BAZ1A: variants seen among roughly 807,000 people sequenced by gnomAD.
The protein encoded by BAZ1A is bromodomain adjacent to zinc finger domain protein 1A.
Under a neutral mutation model 185.2 loss-of-function variants are expected in BAZ1A, and 50 were observed. The observed-to-expected ratio is 0.27, with a 90% confidence interval of 0.22 to 0.34. The LOEUF (loss-of-function observed/expected upper bound fraction) is 0.34, where lower values mean the gene tolerates loss of function less well. Ranked by LOEUF, BAZ1A falls within the 10% of genes least tolerant of loss-of-function variation. The pLI is 1.00. For synonymous variants in BAZ1A, 571 were observed against 615.6 expected (o/e 0.93, Z 1.07); for missense variants, 1,356 against 1,839.9 (o/e 0.74, Z 4.81).
At chr14:34,755,975 C>G (rs562438764) in intron 25 of BAZ1A, among the ~76,000 whole-genome samples, 2 of 151,092 alleles carry the variant, frequency 1.3e-5, no homozygotes, top group South Asian at 4.2e-4. Context: ...CATGCACCAC[C>G]ACACTCGGCT....
intron 6 of BAZ1A, among the ~76,000 whole-genome samples, chr14:34,804,498 T>G (rs1881749749): frequency 6.6e-6 from 1 of 152,206 alleles, no homozygotes; most frequent in Non-Finnish European, 1.5e-5. Context: ...GGGTATTTTG[T>G]GTATAATTAT....
At chr14:34,832,215 C>CACACACACAT in intron 3 of BAZ1A, among the ~76,000 whole-genome samples, 1 of 89,664 alleles carries the variant, frequency 1.1e-5, no homozygotes, top group African/African-American at 3.7e-5. Flanking sequence ...CACACACACA[C>CACACACACAT]ATATATATAT....
intron 2 of BAZ1A, among the ~76,000 whole-genome samples, chr14:34,871,589 C>G (rs564045936): frequency 1.3e-5 from 2 of 152,212 alleles, no homozygotes; most frequent in Non-Finnish European, 2.9e-5. Context: ...ATGTGAGGCA[C>G]AGGCCAAGTG....
intron 3 of BAZ1A, among the ~76,000 whole-genome samples, chr14:34,848,689 T>C (rs1263282112): frequency 2.6e-5 from 4 of 152,214 alleles, no homozygotes; most frequent in Admixed American, 2.0e-4. Context: ...AGCACATATA[T>C]TGAACAATAA....
chr14:34,866,983 G>A (rs2042871176), intron 2 of BAZ1A, among the ~76,000 whole-genome samples: 1 of 150,310 alleles, frequency 6.7e-6, no homozygotes, highest in African/African-American at 2.4e-5. Context: ...AAATCCGCCG[G>A]GCATGGTGGC....
chr14:34,863,764 T>G (rs1203659904), intron 2 of BAZ1A, among the ~76,000 whole-genome samples: 15 of 152,218 alleles, frequency 9.9e-5, no homozygotes, highest in Admixed American at 9.2e-4. Flanking sequence ...TGTAAAGATA[T>G]TCCCTATGGA....
intron 2 of BAZ1A, among the ~76,000 whole-genome samples, chr14:34,866,317 C>A (rs951047714): frequency 6.6e-6 from 1 of 151,268 alleles, no homozygotes; most frequent in African/African-American, 2.4e-5. Flanking sequence ...AACCCAGTCT[C>A]TACTAAAAAC....
At chr14:34,784,419 GCTATTGATATATGAGGCATTTCAAATGT>G (rs1348346528) in intron 14 of BAZ1A, among the ~76,000 whole-genome samples, 1 of 146,358 alleles carries the variant, frequency 6.8e-6, no homozygotes, top group African/African-American at 2.5e-5. Context: ...CCAATTTGCA[GCTATTGATATATGAGGCATTTCAAATGT>G]CTATCTTGTA....
rs188039324 is a variant in BAZ1A at position 34,830,818 on chromosome 14, C to T, written c.393-4662G>A. ...CTCACTCTGTCCCCCAGGCAGTGTG[C>T]AATCTCAGCTCACTGCAACTTCTGC... is the stretch of plus-strand genomic sequence containing the variant. On this transcript the variant is annotated intron_variant, in intron 3 of 26. Transcript: ENST00000360310. Among the ~76,000 whole-genome samples the T allele has an allele frequency of 5.5e-3, 788 of 143,098 alleles. 8 individuals carry two copies. Among genetic ancestry groups the T allele is most frequent in the African/African-American group, 0.02 (759 of 38,014 alleles). The allele number at this position is 143,098 out of a possible 152,430, so 93.9% of individuals were successfully genotyped here.
Position 34,874,369 on chromosome 14 carries a change from G to T in BAZ1A, c.113+123C>A. 1.1e-6 allele frequency: 1 copy of T among 947,000 alleles called. No homozygotes were observed. Among genetic ancestry groups the T allele is most frequent in the Non-Finnish European group, 1.6e-6 (1 of 616,674 alleles). 58.7% of individuals were successfully genotyped at this position (947,000 alleles called of 1,614,324 possible). Reference sequence around the variant, plus strand: ...GAGGCAGAGAACCGCGGGCCCGGGGGCCACCCGTCACTTTCAAGTCGCCCC... The same window carrying T: ...GAGGCAGAGAACCGCGGGCCCGGGGTCCACCCGTCACTTTCAAGTCGCCCC... On this transcript the variant is annotated intron_variant, in intron 2 of 26. Coordinates refer to ENST00000360310, the MANE Select transcript of BAZ1A (RefSeq NM_013448.3). The surrounding 1 kb of genome is among the most constrained non-coding windows in gnomAD (Gnocchi z 4.7).
At position 34,839,882 on chromosome 14, in the gene BAZ1A, TA is replaced by T. The variant is rs746070498; in HGVS notation, c.393-13727del. Among the ~76,000 whole-genome samples, 43 of 146,206 alleles carry T rather than the reference TA, an allele frequency of 2.9e-4. No individual in the cohort carries two copies. The East Asian group carries it at 8.2e-3, about 28-fold the overall frequency. ...AGGAAAAATGAGCATTTCCTAGTTT[TA>T]AAATTAATTTTTTAAAAAAGAAAAG... On this transcript the variant is annotated intron_variant, in intron 3 of 26. Coordinates refer to ENST00000360310, the MANE Select transcript of BAZ1A (RefSeq NM_013448.3).
chr14:34,755,288 T>A (rs1886192517), intron 25 of BAZ1A, among the ~76,000 whole-genome samples: 1 of 152,206 alleles, frequency 6.6e-6, no homozygotes, highest in African/African-American at 2.4e-5. Flanking sequence ...TTTTTTATGC[T>A]ATTCAATATT....
chr14:34,842,439 G>A (rs1594894202), intron 3 of BAZ1A, among the ~76,000 whole-genome samples: 1 of 152,094 alleles, frequency 6.6e-6, no homozygotes, highest in South Asian at 2.1e-4. Context: ...TTAGTACAAT[G>A]GTTAAGAATT....
chr14:34,835,670 G>GTTT (rs1162232902), intron 3 of BAZ1A, among the ~76,000 whole-genome samples: 3 of 141,986 alleles, frequency 2.1e-5, no homozygotes, highest in Non-Finnish European at 4.6e-5. Context: ...CATGGAAATA[G>GTTT]TTTTTTTTTT....
chr14:34,854,275 A>G (rs1342111420), intron 3 of BAZ1A, among the ~76,000 whole-genome samples: 2 of 152,048 alleles, frequency 1.3e-5, no homozygotes, highest in Admixed American at 1.3e-4. Context: ...TACAAAAATT[A>G]GCCGGTCATG....
rs1419440099 is a variant in BAZ1A at position 34,783,961 on chromosome 14, A to C, written c.1832-34T>G. 4 of 1,532,740 alleles carry C rather than the reference A, an allele frequency of 2.6e-6. No individual in the cohort carries two copies. The South Asian group carries it at 5.0e-5, about 19-fold the overall frequency. 94.9% of individuals were successfully genotyped at this position (1,532,740 alleles called of 1,614,324 possible). On this transcript the variant is annotated intron_variant, in intron 14 of 26. Coordinates refer to ENST00000360310, the MANE Select transcript of BAZ1A (RefSeq NM_013448.3). ...AATTGGTAAATACTTCTGTATTATA[A>C]ATCGCAGCAAATGAACTGTGTTTGA...
At chr14:34,833,313 G>A (rs1349969163) in intron 3 of BAZ1A, among the ~76,000 whole-genome samples, 1 of 152,170 alleles carries the variant, frequency 6.6e-6, no homozygotes, top group Non-Finnish European at 1.5e-5. Flanking sequence ...TGGATCACGA[G>A]GTCAGGAGTT....
chr14:34,762,186 C>A lies in BAZ1A; in HGVS notation c.3814G>T (p.Val1272Phe). ...KRGRPQVRLPVKTRGKLSSSF... is the reference protein window; with the variant it reads ...KRGRPQVRLPFKTRGKLSSSF... ...GAGCTAAGTTTCCCTCTTGTTTTAA[C>A]TGGCAATCTAACTTGTGGTCTTCCT... Residue 1272 changes from valine (V) to phenylalanine (F), a missense_variant, in exon 24 of 27, where the codon GTT (valine) becomes TTT (phenylalanine). Transcript: ENST00000360310. The A allele has an allele frequency of 1.2e-6, 2 of 1,614,172 alleles. No homozygotes were observed. Among genetic ancestry groups the A allele is most frequent in the South Asian group, 2.2e-5 (2 of 91,084 alleles).
intron 12 of BAZ1A, among the ~76,000 whole-genome samples, chr14:34,790,961 A>G (rs1441237916): frequency 6.6e-6 from 1 of 152,058 alleles, no homozygotes; most frequent in African/African-American, 2.4e-5. Context: ...TGTCTCTACT[A>G]AAAATACAAT....
Sources: gnomAD v4.1 joint callset for allele counts (sites outside exome capture counted in the v4.1 genomes callset) on GRCh38, gnomAD v4.1.1 for gene constraint, Gnocchi (gnomAD v3.1) non-coding constraint, MANE v1.5 for transcripts, NCBI Gene and HGNC (gene_info 2026-07-23, HGNC 2026-07-21) for gene names.